Variants in EHBP1 observed in about 807,000 individuals in gnomAD.
The protein encoded by EHBP1 is EH domain binding protein 1.
Under a neutral mutation model 144.0 loss-of-function variants are expected in EHBP1, and 55 were observed. That is an observed-to-expected ratio of 0.38 (90% CI 0.31 to 0.48). EHBP1 has a LOEUF of 0.48. EHBP1 is among the 20% of genes least tolerant of loss of function. EHBP1 has a pLI of 0.98. For missense variants in EHBP1, 1,200 were observed against 1,364.2 expected (o/e 0.88, Z 1.90); for synonymous variants, 469 against 472.7 (o/e 0.99, Z 0.10).
At chr2:62,746,168 C>T (rs1287589787) in intron 2 of EHBP1, among the ~76,000 whole-genome samples, 1 of 152,032 alleles carries the variant, frequency 6.6e-6, no homozygotes, top group Non-Finnish European at 1.5e-5. Flanking sequence ...TAGATCATAC[C>T]TTCTTCCCAA....
chr2:62,846,915 C>A (rs898244053), intron 7 of EHBP1, among the ~76,000 whole-genome samples: 3 of 152,166 alleles, frequency 2.0e-5, no homozygotes, highest in Non-Finnish European at 2.9e-5. Context: ...TCAAATCAAT[C>A]TGTAAATCCA....
intron 10 of EHBP1, among the ~76,000 whole-genome samples, chr2:62,883,597 C>A (rs1481160432): frequency 6.6e-6 from 1 of 152,132 alleles, no homozygotes; most frequent in Non-Finnish European, 1.5e-5. Flanking sequence ...TCTATAGTCC[C>A]AGCTACTCAT....
intron 19 of EHBP1, among the ~76,000 whole-genome samples, chr2:63,004,518 T>A (rs1443127350): frequency 6.6e-6 from 1 of 152,064 alleles, no homozygotes; most frequent in Non-Finnish European, 1.5e-5. Context: ...TTTATATTTA[T>A]TAACAAGAAA....
chr2:62,892,436 A>G (rs180926212), intron 10 of EHBP1, among the ~76,000 whole-genome samples: 24 of 152,226 alleles, frequency 1.6e-4, no homozygotes, highest in African/African-American at 4.6e-4. Flanking sequence ...ATTTTAATCA[A>G]AAAACAATTT....
intron 5 of EHBP1, among the ~76,000 whole-genome samples, chr2:62,773,285 A>G (rs982122295): frequency 2.0e-5 from 3 of 152,140 alleles, no homozygotes; most frequent in Non-Finnish European, 4.4e-5. Flanking sequence ...GTATAGTGAG[A>G]TTTGAGAATA....
chr2:62,676,344 T>C (rs1280467909), intron 1 of EHBP1, among the ~76,000 whole-genome samples: 4 of 152,252 alleles, frequency 2.6e-5, no homozygotes, highest in African/African-American at 9.6e-5. Flanking sequence ...TAAAAGTTAC[T>C]CATTTAAGTT....
At chr2:62,774,863 A>C (rs903302951) in intron 5 of EHBP1, among the ~76,000 whole-genome samples, 23 of 152,276 alleles carry the variant, frequency 1.5e-4, no homozygotes, top group African/African-American at 5.3e-4. Context: ...CAAAACAAAA[A>C]AAACCAGATA....
intron 14 of EHBP1, among the ~76,000 whole-genome samples, chr2:62,964,352 A>G (rs1345838067): frequency 1.3e-5 from 2 of 152,228 alleles, no homozygotes; most frequent in Non-Finnish European, 2.9e-5. Context: ...CATTTTCCAT[A>G]TGGCTGTTCA....
At chr2:62,686,778 T>C (rs958239273) in intron 1 of EHBP1, among the ~76,000 whole-genome samples, 7 of 152,236 alleles carry the variant, frequency 4.6e-5, no homozygotes, top group Admixed American at 4.6e-4. Flanking sequence ...TTTAAACACA[T>C]GTTTGAATCC....
At chr2:62,719,051 G>A (rs898217484) in intron 2 of EHBP1, among the ~76,000 whole-genome samples, 2 of 150,192 alleles carry the variant, frequency 1.3e-5, no homozygotes, top group African/African-American at 4.9e-5. Context: ...GTGCAGTCTC[G>A]GTTCCTGGGC....
chr2:62,893,403 T>A (rs2052618748), intron 10 of EHBP1, among the ~76,000 whole-genome samples: 1 of 152,162 alleles, frequency 6.6e-6, no homozygotes. Context: ...CAAGAGTTAA[T>A]CTCATTTGGC....
rs115916293 is a variant in EHBP1, at chr2:63,037,860, G to C, written c.3203+226G>C. ...AGTGTTTATTATACAGAAAGCCAAG[G>C]AATATAAACAATTATTGTATTTAAG... On this transcript the variant is annotated intron_variant, in intron 20 of 22. Transcript: ENST00000431489. Among the ~76,000 whole-genome samples the C allele has an allele frequency of 2.1e-3, 326 of 152,162 alleles. 3 individuals carry two copies. The highest frequency in any genetic ancestry group is 6.8e-3 in the African/African-American group (281 of 41,532).
At chr2:62,793,108 C>G (rs2043279499) in intron 5 of EHBP1, among the ~76,000 whole-genome samples, 1 of 151,494 alleles carries the variant, frequency 6.6e-6, no homozygotes, top group Admixed American at 6.6e-5. Context: ...TTTTAGGGTG[C>G]TATTTGTTTG....
At chr2:63,035,242 A>AT (rs2061405108) in intron 19 of EHBP1, among the ~76,000 whole-genome samples, 2 of 152,102 alleles carry the variant, frequency 1.3e-5, no homozygotes, top group Admixed American at 6.5e-5. Context: ...ATTGTATACT[A>AT]TCGCAGATAA....
intron 5 of EHBP1, among the ~76,000 whole-genome samples, chr2:62,822,311 G>A (rs978851531): frequency 3.9e-5 from 6 of 152,108 alleles, no homozygotes; most frequent in Non-Finnish European, 8.8e-5. Flanking sequence ...TTTAGGTTTG[G>A]CTTGAACCTA....
intron 10 of EHBP1, among the ~76,000 whole-genome samples, chr2:62,897,275 T>G (rs1248754939): frequency 2.6e-5 from 4 of 152,222 alleles, no homozygotes; most frequent in African/African-American, 9.6e-5. Context: ...ATCTTTTCAA[T>G]TTGGTATATG....
At chr2:62,882,776 G>T (rs2051570631) in intron 10 of EHBP1, among the ~76,000 whole-genome samples, 1 of 152,106 alleles carries the variant, frequency 6.6e-6, no homozygotes, top group South Asian at 2.1e-4. Flanking sequence ...CAGCTACTCA[G>T]GAGGCTGAGA....
chr2:63,025,084 C>T (rs1038154867), intron 19 of EHBP1, among the ~76,000 whole-genome samples: 1 of 152,036 alleles, frequency 6.6e-6, no homozygotes, highest in African/African-American at 2.4e-5. Context: ...AATGGAATTT[C>T]ATTAAAAGAT....
rs946252038 is a variant in EHBP1 at position 62,798,409 on chromosome 2, C to T, written c.312+27017C>T. ...AAATATCTGTAGAAATCTCAATTCTCTTTTCCTGTAGACTGTTAGATACAG... is the reference window on the plus strand; with the variant it reads ...AAATATCTGTAGAAATCTCAATTCTTTTTTCCTGTAGACTGTTAGATACAG... On this transcript the variant is annotated intron_variant, in intron 5 of 22. Transcript: ENST00000431489. 2.0e-5 allele frequency among the ~76,000 whole-genome samples: 3 copies of T among 151,854 alleles called. No homozygotes were observed. The East Asian group carries it at 5.8e-4, about 29-fold the overall frequency.
Sources: allele counts gnomAD v4.1 joint callset (sites outside exome capture counted in the v4.1 genomes callset), GRCh38; gene constraint gnomAD v4.1.1; transcripts MANE v1.5; gene names NCBI Gene and HGNC (gene_info 2026-07-23, HGNC 2026-07-21).